Variants in GRIA4 observed in about 807,000 individuals in gnomAD.
GRIA4 encodes glutamate ionotropic receptor AMPA type subunit 4, also known as glutamate receptor 4.
Under a neutral mutation model 104.0 loss-of-function variants are expected in GRIA4, and 34 were observed. The observed-to-expected ratio is 0.33, with a 90% CI of 0.25 to 0.44. GRIA4 has a LOEUF of 0.44. Ranked by LOEUF, GRIA4 falls within the 20% of genes least tolerant of loss-of-function variation. The pLI is 1.00. For synonymous variants in GRIA4, 386 were observed against 381.9 expected (o/e 1.01, Z -0.13); for missense variants, 750 against 1,096.5 (o/e 0.68, Z 4.46).
Position 105,918,698 on chromosome 11 carries a change from T to G in GRIA4, c.1270-14T>G. 1 of 1,236,166 alleles carries G rather than the reference T, an allele frequency of 8.1e-7. No individual in the cohort carries two copies. Among genetic ancestry groups the G allele is most frequent in the Non-Finnish European group, 1.2e-6 (1 of 838,230 alleles). The allele number at this position is 1,236,166 out of a possible 1,614,324, so 76.6% of individuals were successfully genotyped here. On this transcript the variant is annotated splice_polypyrimidine_tract_variant and intron_variant, in intron 10 of 16. Coordinates refer to ENST00000282499, the MANE Select transcript of GRIA4 (RefSeq NM_000829.4). ...TATAATTTCTCCTTTACAGTTCTAC[T>G]TCTCTCATTATAGGAATCCCCATAT...
At chr11:105,910,612 G>A (rs1201099769) in intron 10 of GRIA4, 67 bp downstream of exon 10, 6 of 813,422 alleles carry the variant, frequency 7.4e-6, no homozygotes, top group Non-Finnish European at 1.1e-5. Context: ...CCCCAGCGAC[G>A]GTGAACAGGG....
At position 105,787,821 on chromosome 11, in the gene GRIA4, T is replaced by C. The variant is rs76603139; in HGVS notation, c.487+34601T>C. Among the ~76,000 whole-genome samples, 406 of 152,256 alleles carry C rather than the reference T, an allele frequency of 2.7e-3. 4 individuals carry two copies. In the East Asian group the frequency reaches 0.035, roughly 13 times the overall value. ...ATTTAAAAATTTTGCTTAACTACTG[T>C]TTGTTTCTACATAAAAAGATGAATC... On this transcript the variant is annotated intron_variant, in intron 4 of 16. Coordinates refer to ENST00000282499, the MANE Select transcript of GRIA4 (RefSeq NM_000829.4).
chr11:105,866,549 GTGTATATATA>G lies in GRIA4; in HGVS notation c.672+4343_672+4352del, dbSNP rs1253037293. ...TATATACGCATATGTGTGTGTGTGT[GTGTATATATA>G]TATATATATATATATATATATATAT... is the stretch of plus-strand genomic sequence containing the variant. On this transcript the variant is annotated intron_variant, in intron 5 of 16. Coordinates refer to ENST00000282499, the MANE Select transcript of GRIA4 (RefSeq NM_000829.4). Among the ~76,000 whole-genome samples the G allele has an allele frequency of 1.4e-3, 109 of 78,244 alleles. 1 individual carries two copies. Among genetic ancestry groups the G allele is most frequent in the African/African-American group, 4.1e-3 (92 of 22,220 alleles). 51.3% of individuals were successfully genotyped at this position (78,244 alleles called of 152,430 possible).
At chr11:105,878,391 G>A (rs1210795688) in intron 5 of GRIA4, among the ~76,000 whole-genome samples, 2 of 152,194 alleles carry the variant, frequency 1.3e-5, no homozygotes, top group African/African-American at 4.8e-5. Flanking sequence ...AGGCACAGGG[G>A]TCAGGGACCC....
At chr11:105,839,629 G>A (rs1046296729) in intron 4 of GRIA4, among the ~76,000 whole-genome samples, 1 of 151,484 alleles carries the variant, frequency 6.6e-6, no homozygotes, top group African/African-American at 2.4e-5. Context: ...AAGAACCCCA[G>A]CCCAAGAGGT....
At chr11:105,913,338 T>C (rs1751431211) in intron 10 of GRIA4, 3 of 618,702 alleles carry the variant, frequency 4.8e-6, no homozygotes, top group Non-Finnish European at 6.1e-6. Flanking sequence ...GTGTTGTATA[T>C]CTACAATGTG....
chr11:105,872,275 A>G (rs1009332865), intron 5 of GRIA4, among the ~76,000 whole-genome samples: 1 of 152,130 alleles, frequency 6.6e-6, no homozygotes, highest in African/African-American at 2.4e-5. Flanking sequence ...TTTAAGAAAA[A>G]TGAAAGAAGA....
intron 3 of GRIA4, among the ~76,000 whole-genome samples, chr11:105,745,036 C>T (rs1220183701): frequency 6.6e-6 from 1 of 152,064 alleles, no homozygotes; most frequent in East Asian, 1.9e-4. Flanking sequence ...AAGTCCTATG[C>T]TCTAATCTAG....
chr11:105,754,328 TA>T (rs2135699332), intron 4 of GRIA4, among the ~76,000 whole-genome samples: 1 of 152,310 alleles, frequency 6.6e-6, no homozygotes, highest in East Asian at 1.9e-4. Context: ...AGTTGTAACA[TA>T]AATATGTTAC....
intron 4 of GRIA4, among the ~76,000 whole-genome samples, chr11:105,821,365 T>C (rs969074674): frequency 9.2e-5 from 14 of 152,110 alleles, no homozygotes; most frequent in African/African-American, 3.4e-4. Context: ...AAGAAATAAC[T>C]GAAACTGGGT....
chr11:105,859,994 A>C (rs1945160810), intron 4 of GRIA4, among the ~76,000 whole-genome samples: 2 of 152,150 alleles, frequency 1.3e-5, no homozygotes, highest in African/African-American at 4.8e-5. Context: ...GAAACAAGAG[A>C]AAGAATGCTG....
intron 5 of GRIA4, among the ~76,000 whole-genome samples, chr11:105,876,489 G>C (rs1945825603): frequency 6.6e-6 from 1 of 152,160 alleles, no homozygotes; most frequent in African/African-American, 2.4e-5. Context: ...CTGTCTCTTT[G>C]ATCTGTCTAC....
At chr11:105,717,906 TA>T (rs1169693412) in intron 3 of GRIA4, among the ~76,000 whole-genome samples, 2 of 123,754 alleles carry the variant, frequency 1.6e-5, no homozygotes, top group African/African-American at 6.3e-5. Flanking sequence ...TATGCAGCCA[TA>T]AAAAATGATG....
chr11:105,973,032 C>A (rs1858778086), intron 15 of GRIA4, among the ~76,000 whole-genome samples: 1 of 152,110 alleles, frequency 6.6e-6, no homozygotes, highest in South Asian at 2.1e-4. Context: ...TGCCCTTTAA[C>A]CAGAGTGGAA....
At position 105,648,339 on chromosome 11, in the gene GRIA4, C is replaced by T. The variant is rs1034127338; in HGVS notation, c.247+35905C>T. 2.6e-5 allele frequency among the ~76,000 whole-genome samples: 4 copies of T among 151,090 alleles called. No homozygotes were observed. In the South Asian group the frequency reaches 6.2e-4, roughly 24 times the overall value. ...AAAAATATTATGGAAATAGAGAAAA[C>T]TTAAAAGTATAGAATAAGATTATAG... On this transcript the variant is annotated intron_variant, in intron 3 of 16. Coordinates refer to ENST00000282499, the MANE Select transcript of GRIA4 (RefSeq NM_000829.4).
At chr11:105,860,737 G>T (rs1945190640) in intron 4 of GRIA4, among the ~76,000 whole-genome samples, 1 of 151,904 alleles carries the variant, frequency 6.6e-6, no homozygotes, top group South Asian at 2.1e-4. Context: ...GAGGCAGGTG[G>T]ATCACAAGGT....
intron 3 of GRIA4, among the ~76,000 whole-genome samples, chr11:105,713,138 T>A (rs1397867596): frequency 1.3e-5 from 2 of 152,104 alleles, no homozygotes; most frequent in Non-Finnish European, 2.9e-5. Context: ...ATTCCAGCAA[T>A]TTGAGAGGGT....
At chr11:105,802,995 TCA>T (rs1173336586) in intron 4 of GRIA4, among the ~76,000 whole-genome samples, 3 of 151,996 alleles carry the variant, frequency 2.0e-5, no homozygotes, top group African/African-American at 7.2e-5. Context: ...TTGACTTAAA[TCA>T]CAGTAACTAA....
chr11:105,892,178 G>A (rs952541000), intron 6 of GRIA4, among the ~76,000 whole-genome samples: 6 of 152,056 alleles, frequency 3.9e-5, no homozygotes, highest in African/African-American at 1.2e-4. Flanking sequence ...CACAGCACCC[G>A]TCAGGGGGAC....
Sources: gnomAD v4.1 joint callset for allele counts (sites outside exome capture counted in the v4.1 genomes callset) on GRCh38, gnomAD v4.1.1 for gene constraint, MANE v1.5 for transcripts, NCBI Gene and HGNC (gene_info 2026-07-23, HGNC 2026-07-21) for gene names.